The following MYO16 variants were observed in gnomAD, a reference collection of about 807,000 sequenced individuals.
The protein encoded by MYO16 is unconventional myosin-XVI.
Under a neutral mutation model 205.3 loss-of-function variants are expected in MYO16, and 94 were observed. The observed-to-expected ratio is 0.46, with a 90% confidence interval of 0.39 to 0.54. The LOEUF is 0.54. Among genes scored for constraint, MYO16 ranks in the 20% least tolerant of loss-of-function variants. The pLI is 0.00. For missense variants in MYO16, 2,315 were observed against 2,387.5 expected (o/e 0.97, Z 0.63); for synonymous variants, 988 against 954.0 (o/e 1.04, Z -0.66).
At position 109,141,211 on chromosome 13, in the gene MYO16, G is replaced by T. The variant is rs906428729; in HGVS notation, c.4999G>T (p.Ala1667Ser). Reference protein sequence around the residue: ...IPYSPVKATRADARKAGSSAS... With the variant: ...IPYSPVKATRSDARKAGSSAS... ...ATATTCCCCCGTGAAGGCCACCAGGGCGGACGCCAGGAAGGCCGGCTCCAG... is the reference window on the plus strand; with the variant it reads ...ATATTCCCCCGTGAAGGCCACCAGGTCGGACGCCAGGAAGGCCGGCTCCAG... Residue 1667 changes from alanine (A) to serine (S), a missense_variant, in exon 32 of 35, where the codon GCG becomes TCG. Coordinates refer to ENST00000457511, the MANE Select transcript of MYO16 (RefSeq NM_001198950.3). This position sits in a 1 kb window ranked among gnomAD's most constrained non-coding sequence, Gnocchi z 4.1. The T allele has an allele frequency of 1.9e-6, 3 of 1,607,024 alleles. No homozygotes were observed. The highest frequency in any genetic ancestry group is 2.5e-6 in the Non-Finnish European group (3 of 1,176,664).
chr13:109,136,480 G>A (rs571824096), intron 31 of MYO16, among the ~76,000 whole-genome samples: 2 of 152,158 alleles, frequency 1.3e-5, no homozygotes, highest in African/African-American at 4.8e-5. Context: ...GAAGGTTCTT[G>A]TTCCTTTATA....
At chr13:108,502,040 C>T in the MYO16 span, among the ~76,000 whole-genome samples, 1 of 152,022 alleles carries the variant, frequency 6.6e-6, no homozygotes, top group Non-Finnish European at 1.5e-5. Context: ...GGTGAAACCC[C>T]GTCTCTACTA....
At chr13:109,169,532 A>G (rs994827093) in intron 33 of MYO16, among the ~76,000 whole-genome samples, 3 of 152,166 alleles carry the variant, frequency 2.0e-5, no homozygotes, top group Non-Finnish European at 2.9e-5. Flanking sequence ...GGGGACATCA[A>G]TACAGATCTG....
chr13:108,767,348 C>T (rs1055007691), intron 4 of MYO16, among the ~76,000 whole-genome samples: 2 of 152,150 alleles, frequency 1.3e-5, no homozygotes, highest in African/African-American at 4.8e-5. Flanking sequence ...GTGATCCATC[C>T]GCCTCAGCCT....
At chr13:108,904,608 T>A (rs1222347267) in intron 15 of MYO16, among the ~76,000 whole-genome samples, 1 of 152,230 alleles carries the variant, frequency 6.6e-6, no homozygotes, top group African/African-American at 2.4e-5. Context: ...ACAGATTATA[T>A]GTAACATAAC....
chr13:108,779,166 A>T (rs4771608), intron 4 of MYO16, among the ~76,000 whole-genome samples: 4 of 151,954 alleles, frequency 2.6e-5, no homozygotes, highest in African/African-American at 9.7e-5. Flanking sequence ...CCTGTTTCCC[A>T]CTGGCATGCG....
chr13:108,766,309 T>C (rs9559407), intron 4 of MYO16, among the ~76,000 whole-genome samples: 10,458 of 152,260 alleles, frequency 0.069, 625 homozygotes, highest in East Asian at 0.24. Flanking sequence ...AGAGATAGCC[T>C]GTCCTGAGAT....
intron 16 of MYO16, among the ~76,000 whole-genome samples, chr13:108,927,291 C>T (rs75314821): frequency 0.017 from 2,614 of 152,262 alleles, 69 homozygotes; most frequent in African/African-American, 0.06. Flanking sequence ...CTCCTATTTG[C>T]CTTCCTCCAC....
chr13:108,578,931 TAATA>T, the MYO16 span, among the ~76,000 whole-genome samples: 2 of 149,488 alleles, frequency 1.3e-5, no homozygotes, highest in Non-Finnish European at 3.0e-5. Context: ...ATTTATTATA[TAATA>T]AATACATATT....
At chr13:108,656,006 C>T (rs922723547) in intron 1 of MYO16, among the ~76,000 whole-genome samples, 3 of 152,100 alleles carry the variant, frequency 2.0e-5, no homozygotes, top group South Asian at 2.1e-4. Context: ...GACTGTGGAC[C>T]TTTGGGTTAA....
chr13:109,122,326 CAG>C (rs1005121361), intron 29 of MYO16, among the ~76,000 whole-genome samples: 4 of 144,150 alleles, frequency 2.8e-5, no homozygotes, highest in African/African-American at 1.0e-4. Context: ...TGACCTGGAA[CAG>C]AAAAAATGAA....
chr13:108,557,746 C>T, the MYO16 span, among the ~76,000 whole-genome samples: 1 of 151,854 alleles, frequency 6.6e-6, no homozygotes, highest in Non-Finnish European at 1.5e-5. Context: ...GAAAAGAGGT[C>T]AATATTTAGT....
At chr13:109,073,745 C>T (rs1888000830) in intron 27 of MYO16, among the ~76,000 whole-genome samples, 2 of 152,196 alleles carry the variant, frequency 1.3e-5, no homozygotes, top group South Asian at 2.1e-4. Flanking sequence ...GACTAATCCT[C>T]ACCGGTTAAA....
Position 109,055,671 on chromosome 13 carries a change from C to T in MYO16, c.3335+76C>T. 1 of 1,321,446 alleles carries T rather than the reference C, an allele frequency of 7.6e-7. No homozygotes were observed. Among genetic ancestry groups the T allele is most frequent in the Non-Finnish European group, 1.1e-6 (1 of 935,686 alleles). The allele number at this position is 1,321,446 out of a possible 1,614,324, so 81.9% of individuals were successfully genotyped here. ...TGTACTGACACTGACACTATTGTAG[C>T]AAGGGTCTTCTGTTGTCTTTTTTGG... On this transcript the variant is annotated intron_variant, in intron 27 of 34. Coordinates refer to ENST00000457511, the MANE Select transcript of MYO16 (RefSeq NM_001198950.3). The surrounding 1 kb of genome is among the most constrained non-coding windows in gnomAD (Gnocchi z 5.0).
chr13:108,896,716 C>T (rs1012531150), intron 14 of MYO16, among the ~76,000 whole-genome samples: 1 of 151,944 alleles, frequency 6.6e-6, no homozygotes, highest in Non-Finnish European at 1.5e-5. Flanking sequence ...CCTGTAATGC[C>T]AGCACTTTTT....
intron 4 of MYO16, among the ~76,000 whole-genome samples, chr13:108,746,648 A>T (rs1885073427): frequency 6.6e-6 from 1 of 152,200 alleles, no homozygotes; most frequent in African/African-American, 2.4e-5. Flanking sequence ...CAAAATATGT[A>T]CATCTATTTT....
intron 13 of MYO16, among the ~76,000 whole-genome samples, chr13:108,885,160 C>A (rs1308745334): frequency 1.3e-5 from 2 of 152,074 alleles, no homozygotes; most frequent in Non-Finnish European, 2.9e-5. Context: ...GTTCTTGTTG[C>A]CCAGGCTGGA....
intron 1 of MYO16, among the ~76,000 whole-genome samples, chr13:108,641,439 C>A (rs1880499324): frequency 6.6e-6 from 1 of 152,146 alleles, no homozygotes; most frequent in East Asian, 1.9e-4. Flanking sequence ...GGCCATTCTC[C>A]TTCATTCAAG....
the MYO16 span, among the ~76,000 whole-genome samples, chr13:108,544,020 G>T: frequency 2.3e-5 from 3 of 128,182 alleles, no homozygotes; most frequent in Non-Finnish European, 4.6e-5. Context: ...AGCCGAGATC[G>T]CACCATTGCA....
Sources: gnomAD v4.1 joint callset for allele counts (sites outside exome capture counted in the v4.1 genomes callset) on GRCh38, gnomAD v4.1.1 for gene constraint, Gnocchi (gnomAD v3.1) non-coding constraint, MANE v1.5 for transcripts, NCBI Gene and HGNC (gene_info 2026-07-23, HGNC 2026-07-21) for gene names.